Variants in ARHGEF38 observed in about 807,000 individuals in gnomAD.
The protein encoded by ARHGEF38 is Rho guanine nucleotide exchange factor 38, also known as Rho guanine nucleotide exchange factor (GEF) 38.
ARHGEF38 carries 79 observed loss-of-function variants against 79.9 expected under a neutral mutation model. The observed-to-expected ratio is 0.99, with a 90% CI of 0.82 to 1.19. The LOEUF is 1.19. ARHGEF38 is among the 50% of genes most tolerant of loss of function. The probability of loss-of-function intolerance (pLI) is 0.00; values close to 1 mark genes in which losing one functional copy is unlikely to be tolerated. For synonymous variants in ARHGEF38, 366 were observed against 328.3 expected, an observed-to-expected ratio of 1.11 and a Z score of -1.24; for missense variants, 962 against 907.2, an observed-to-expected ratio of 1.06 and a Z score of -0.78.
At chr4:105,655,521 C>T (rs763219106) in intron 8 of ARHGEF38, 82 bp from the exon 9 acceptor site, 49 of 1,380,370 alleles carry the variant, frequency 3.5e-5, no homozygotes, top group Non-Finnish European at 4.7e-5. Flanking sequence ...AAGGGTTATG[C>T]TGATGAAGTC....
chr4:105,646,170 A>C (rs1349986527), intron 6 of ARHGEF38, among the ~76,000 whole-genome samples: 1 of 152,088 alleles, frequency 6.6e-6, no homozygotes, highest in East Asian at 1.9e-4. Flanking sequence ...TTTTTGTTTT[A>C]TTTTCTGATG....
At chr4:105,554,834 A>G (rs1374008807) in intron 1 of ARHGEF38, among the ~76,000 whole-genome samples, 1 of 152,120 alleles carries the variant, frequency 6.6e-6, no homozygotes, top group Non-Finnish European at 1.5e-5. Flanking sequence ...GCCCAATATT[A>G]ATCGAAGTTT....
intron 10 of ARHGEF38, among the ~76,000 whole-genome samples, chr4:105,665,338 C>A (rs1241831462): frequency 6.6e-6 from 1 of 151,820 alleles, no homozygotes; most frequent in Non-Finnish European, 1.5e-5. Context: ...ACTAAAAATA[C>A]AAAAAATAAT....
intron 2 of ARHGEF38, among the ~76,000 whole-genome samples, chr4:105,590,483 C>T (rs1309578079): frequency 6.6e-6 from 1 of 152,178 alleles, no homozygotes; most frequent in East Asian, 1.9e-4. Context: ...TATACAAGCA[C>T]ATATATTTTT....
At chr4:105,560,543 A>G (rs941296868) in intron 1 of ARHGEF38, among the ~76,000 whole-genome samples, 7 of 152,302 alleles carry the variant, frequency 4.6e-5, no homozygotes, top group Admixed American at 4.6e-4. Flanking sequence ...GAATTGTATG[A>G]AGTCAGCTTA....
intron 13 of ARHGEF38, among the ~76,000 whole-genome samples, chr4:105,670,731 T>A (rs1320062098): frequency 2.0e-5 from 3 of 152,210 alleles, no homozygotes; most frequent in Non-Finnish European, 4.4e-5. Context: ...AACTAATGAA[T>A]TTTTATCAGT....
At chr4:105,642,602 A>G (rs749029435) in intron 5 of ARHGEF38, among the ~76,000 whole-genome samples, 4 of 152,214 alleles carry the variant, frequency 2.6e-5, no homozygotes, top group Non-Finnish European at 5.9e-5. Flanking sequence ...TCTGTGAGGA[A>G]TAGAAGAAAC....
intron 2 of ARHGEF38, among the ~76,000 whole-genome samples, chr4:105,606,996 G>T (rs1728072032): frequency 6.6e-6 from 1 of 151,982 alleles, no homozygotes; most frequent in Non-Finnish European, 1.5e-5. Flanking sequence ...TTCAAACAAT[G>T]TTTGTTCCTA....
intron 2 of ARHGEF38, among the ~76,000 whole-genome samples, chr4:105,606,199 C>T (rs1207720126): frequency 6.6e-6 from 1 of 151,884 alleles, no homozygotes; most frequent in Admixed American, 6.6e-5. Context: ...AGAATTGGGG[C>T]CCTATTTGAA....
intron 6 of ARHGEF38, among the ~76,000 whole-genome samples, chr4:105,647,610 T>C (rs1729905130): frequency 6.6e-6 from 1 of 152,228 alleles, no homozygotes; most frequent in Non-Finnish European, 1.5e-5. Context: ...ATTTTCCTTT[T>C]TGTTAGTTTC....
In ARHGEF38 at chr4:105,607,048, G is replaced by C. The variant is rs138763508; in HGVS notation, c.385-6336G>C. On this transcript the variant is annotated intron_variant, in intron 2 of 13. Coordinates refer to ENST00000420470, the MANE Select transcript of ARHGEF38 (RefSeq NM_001242729.2). ...TACTTTTAGAGATGTTAGTGGTTGG[G>C]GGTCTGCAGGACACCTAAGAAAGTT... 5.5e-3 allele frequency among the ~76,000 whole-genome samples: 829 copies of C among 152,100 alleles called. 6 individuals carry two copies. The highest frequency in any genetic ancestry group is 0.019 in the African/African-American group (791 of 41,512).
At chr4:105,667,421 C>T in intron 12 of ARHGEF38, 23 bp from the exon 13 acceptor site, 1 of 1,534,588 alleles carries the variant, frequency 6.5e-7, no homozygotes, top group East Asian at 2.4e-5. Flanking sequence ...CTTGGTTCTT[C>T]TTTCTTTTTA....
chr4:105,575,130 A>G (rs1726434636), intron 1 of ARHGEF38, among the ~76,000 whole-genome samples: 1 of 152,130 alleles, frequency 6.6e-6, no homozygotes, highest in South Asian at 2.1e-4. Context: ...ACATACAAGT[A>G]CATGTGTCTT....
Position 105,552,913 on chromosome 4 carries a change from T to C in ARHGEF38, c.148T>C (p.Leu50=). ...TGTTTCTGGGGACCACTCTGGCACC[T>C]TGAGGAGGAGCCAATCTGACAGGAC... ...SSVSGDHSGT[L]RRSQSDRTEY... Residue 50 remains leucine (L), a synonymous_variant, in exon 1 of 14, where the codon TTG becomes CTG. Transcript: ENST00000420470. 6.2e-7 allele frequency: 1 copy of C among 1,613,528 alleles called. No individual in the cohort carries two copies. The highest frequency in any genetic ancestry group is 8.5e-7 in the Non-Finnish European group (1 of 1,179,740).
chr4:105,677,187 A>G (rs1731153322), intron 13 of ARHGEF38, among the ~76,000 whole-genome samples: 1 of 152,062 alleles, frequency 6.6e-6, no homozygotes, highest in Non-Finnish European at 1.5e-5. Flanking sequence ...CTGGTCTTGT[A>G]CTACTGACCT....
chr4:105,575,125 C>A (rs1321804426), intron 1 of ARHGEF38, among the ~76,000 whole-genome samples: 1 of 152,090 alleles, frequency 6.6e-6, no homozygotes, highest in East Asian at 1.9e-4. Context: ...AATAAACATA[C>A]AAGTACATGT....
chr4:105,662,248 G>C (rs1015698061), intron 10 of ARHGEF38, among the ~76,000 whole-genome samples: 1 of 151,906 alleles, frequency 6.6e-6, no homozygotes, highest in African/African-American at 2.4e-5. Flanking sequence ...CTTTTTCTTT[G>C]GGTTCTTGGT....
In ARHGEF38 at chr4:105,655,639, C is replaced by T. The variant is rs1435395226; in HGVS notation, c.1150C>T (p.Leu384Phe). ...MPLALQSVMD[L>F]QEISYNKDDE... Reference sequence around the variant, plus strand: ...CCTGGCTCTGCAGAGTGTGATGGACCTTCAGGAGATTTCATACAACAAAGA... The same window carrying T: ...CCTGGCTCTGCAGAGTGTGATGGACTTTCAGGAGATTTCATACAACAAAGA... Residue 384 changes from leucine to phenylalanine, a missense_variant, in exon 9 of 14, where the codon CTT (leucine) becomes TTT (phenylalanine). By Grantham distance (22) the Leu-to-Phe change is conservative. Coordinates refer to ENST00000420470, the MANE Select transcript of ARHGEF38 (RefSeq NM_001242729.2). 5.2e-6 allele frequency: 8 copies of T among 1,535,818 alleles called. 1 individual carries two copies. In the Admixed American group the frequency reaches 5.9e-5, roughly 11 times the overall value.
intron 13 of ARHGEF38, among the ~76,000 whole-genome samples, chr4:105,676,167 T>C (rs919155786): frequency 6.6e-6 from 1 of 152,244 alleles, no homozygotes; most frequent in African/African-American, 2.4e-5. Context: ...AATGAAGTAA[T>C]GAAGTCATCT....
Sources: gnomAD v4.1 joint callset for allele counts (sites outside exome capture counted in the v4.1 genomes callset) on GRCh38, gnomAD v4.1.1 for gene constraint, MANE v1.5 for transcripts, NCBI Gene and HGNC (gene_info 2026-07-23, HGNC 2026-07-21) for gene names.